Variants in SHISA6 observed in about 807,000 individuals in gnomAD.
SHISA6 encodes protein shisa-6.
In SHISA6, 22 loss-of-function variants were observed where a neutral mutation model predicts 47.9. That is an observed-to-expected ratio of 0.46 (90% CI 0.33 to 0.66). The LOEUF is 0.66. SHISA6 is among the 30% of genes least tolerant of loss of function. SHISA6 has a pLI of 0.02. For synonymous variants in SHISA6, 388 were observed against 337.8 expected, an observed-to-expected ratio of 1.15 and a Z score of -1.63; for missense variants, 680 against 764.6, an observed-to-expected ratio of 0.89 and a Z score of 1.30.
intron 3 of SHISA6, among the ~76,000 whole-genome samples, chr17:11,453,217 T>C (rs1000027790): frequency 3.3e-5 from 5 of 152,176 alleles, no homozygotes; most frequent in Non-Finnish European, 5.9e-5. Flanking sequence ...AGATGATCCA[T>C]TGTGGATGCT....
intron 2 of SHISA6, among the ~76,000 whole-genome samples, chr17:11,295,460 G>A (rs1236075870): frequency 6.6e-6 from 1 of 152,046 alleles, no homozygotes; most frequent in African/African-American, 2.4e-5. Context: ...CCACATTCCA[G>A]TATTTAATCC....
chr17:11,537,949 A>G (rs1268175158), intron 3 of SHISA6, among the ~76,000 whole-genome samples: 2 of 152,378 alleles, frequency 1.3e-5, no homozygotes, highest in East Asian at 1.9e-4. Flanking sequence ...AGCACCAAAA[A>G]TGAATGACAG....
chr17:11,354,760 CTCAG>C (rs1157512925), intron 2 of SHISA6, among the ~76,000 whole-genome samples: 4 of 152,166 alleles, frequency 2.6e-5, no homozygotes, highest in African/African-American at 7.2e-5. Context: ...ACCCCCTATC[CTCAG>C]TCAGTGATTT....
intron 3 of SHISA6, among the ~76,000 whole-genome samples, chr17:11,438,496 C>T (rs902884346): frequency 7.2e-5 from 11 of 152,096 alleles, no homozygotes; most frequent in Admixed American, 1.3e-4. Context: ...TGCAGACAGC[C>T]ACCTTCTTGC....
chr17:11,410,934 C>T (rs937455192), intron 3 of SHISA6, among the ~76,000 whole-genome samples: 2 of 152,154 alleles, frequency 1.3e-5, no homozygotes, highest in Non-Finnish European at 2.9e-5. Context: ...AACAGTGAAA[C>T]AGAAACTCAA....
At chr17:11,314,487 A>G (rs562371220) in intron 2 of SHISA6, among the ~76,000 whole-genome samples, 4 of 151,400 alleles carry the variant, frequency 2.6e-5, no homozygotes, top group African/African-American at 7.3e-5. Flanking sequence ...GAATATATAC[A>G]TGTTCACTGT....
intron 2 of SHISA6, among the ~76,000 whole-genome samples, chr17:11,365,657 T>C (rs1912426247): frequency 6.6e-6 from 1 of 152,230 alleles, no homozygotes; most frequent in Admixed American, 6.5e-5. Context: ...TTGAGAGAAG[T>C]TCATTTAGTC....
chr17:11,388,789 T>TA (rs1913275300), intron 3 of SHISA6, among the ~76,000 whole-genome samples: 4 of 61,712 alleles, frequency 6.5e-5, no homozygotes, highest in East Asian at 4.6e-4. Flanking sequence ...CAAACAAAAG[T>TA]TTATATATAT....
intron 2 of SHISA6, among the ~76,000 whole-genome samples, chr17:11,317,993 A>G (rs1052363716): frequency 6.6e-6 from 1 of 152,314 alleles, no homozygotes; most frequent in South Asian, 2.1e-4. Flanking sequence ...CTGGATTATT[A>G]CACTTCTGCA....
chr17:11,243,463 G>T (rs1229690172), intron 1 of SHISA6, among the ~76,000 whole-genome samples: 1 of 152,074 alleles, frequency 6.6e-6, no homozygotes, highest in African/African-American at 2.4e-5. Context: ...ACCCTGAGGT[G>T]CCTCCACCCT....
At chr17:11,248,071 G>A (rs1907659919) in intron 1 of SHISA6, among the ~76,000 whole-genome samples, 2 of 152,100 alleles carry the variant, frequency 1.3e-5, no homozygotes, top group Non-Finnish European at 1.5e-5. Flanking sequence ...ACGGAGCCTG[G>A]CCTCTAGTGT....
intron 2 of SHISA6, among the ~76,000 whole-genome samples, chr17:11,317,539 T>C (rs1910565088): frequency 6.6e-5 from 10 of 151,996 alleles, no homozygotes; most frequent in Admixed American, 6.6e-4. Flanking sequence ...TTGTTTGTTT[T>C]TACTTCTTAG....
At chr17:11,553,605 TG>T (rs1384688043) in intron 4 of SHISA6, among the ~76,000 whole-genome samples, 4 of 152,302 alleles carry the variant, frequency 2.6e-5, no homozygotes, top group African/African-American at 9.6e-5. Context: ...TCCCAGGAGC[TG>T]GCAGAGTGAC....
At chr17:11,376,343 C>T (rs1473989859) in intron 2 of SHISA6, among the ~76,000 whole-genome samples, 10 of 145,848 alleles carry the variant, frequency 6.9e-5, no homozygotes, top group Admixed American at 3.5e-4. Flanking sequence ...TTTTTTGAGA[C>T]GTCTCGCTCT....
chr17:11,342,009 G>A (rs919246659), intron 2 of SHISA6, among the ~76,000 whole-genome samples: 1 of 152,034 alleles, frequency 6.6e-6, no homozygotes, highest in Non-Finnish European at 1.5e-5. Context: ...TCCTCCCAGA[G>A]GCCAATGTGC....
intron 1 of SHISA6, among the ~76,000 whole-genome samples, chr17:11,254,684 C>A (rs1907944696): frequency 6.6e-6 from 1 of 152,140 alleles, no homozygotes; most frequent in Non-Finnish European, 1.5e-5. Flanking sequence ...TCATGGGGAG[C>A]CAAAATTACT....
chr17:11,528,571 G>A (rs1377013314), intron 3 of SHISA6, among the ~76,000 whole-genome samples: 4 of 152,174 alleles, frequency 2.6e-5, no homozygotes, highest in African/African-American at 9.7e-5. Context: ...GCATGGAATT[G>A]TATGTGTAAT....
intron 3 of SHISA6, among the ~76,000 whole-genome samples, chr17:11,465,595 A>G (rs1367001360): frequency 6.6e-6 from 1 of 152,066 alleles, no homozygotes; most frequent in Non-Finnish European, 1.5e-5. Context: ...AGGATATCCT[A>G]GCTACTGCCC....
At chr17:11,444,864 G>T (rs1327781284) in intron 3 of SHISA6, among the ~76,000 whole-genome samples, 1 of 152,144 alleles carries the variant, frequency 6.6e-6, no homozygotes, top group Admixed American at 6.5e-5. Context: ...GAAAAAGATG[G>T]TCAGTTGTAT....
Sources: allele counts gnomAD v4.1 joint callset (sites outside exome capture counted in the v4.1 genomes callset), GRCh38; gene constraint gnomAD v4.1.1; transcripts MANE v1.5; gene names NCBI Gene and HGNC (gene_info 2026-07-23, HGNC 2026-07-21).